The following HYDIN variants were observed in gnomAD, a reference collection of about 807,000 sequenced individuals.
HYDIN encodes axonemal central pair apparatus protein HYDIN.
HYDIN carries 132 observed loss-of-function variants against 403.9 expected under a neutral mutation model. The observed-to-expected ratio is 0.33, with a 90% CI of 0.28 to 0.38. HYDIN has a LOEUF of 0.38. Among genes scored for constraint, HYDIN ranks in the 10% least tolerant of loss-of-function variants. The pLI is 1.00. For missense variants in HYDIN, 2,827 were observed against 5,009.5 expected, an observed-to-expected ratio of 0.56 and a Z score of 13.15; for synonymous variants, 1,202 against 1,891.7, an observed-to-expected ratio of 0.64 and a Z score of 9.46.
At chr16:71,056,191 A>T (rs2081885700) in intron 18 of HYDIN, among the ~76,000 whole-genome samples, 1 of 150,174 alleles carries the variant, frequency 6.7e-6, no homozygotes, top group Non-Finnish European at 1.5e-5. Context: ...GTTCCAAAGA[A>T]GTCAGCCTGC....
intron 1 of HYDIN, among the ~76,000 whole-genome samples, chr16:71,198,605 A>C (rs755249262): frequency 3.4e-4 from 52 of 152,232 alleles, no homozygotes; most frequent in Non-Finnish European, 5.4e-4. Context: ...CCAGTGAGTC[A>C]TATTATTCCA....
rs184071745 is a variant in HYDIN, at chr16:70,804,550, C to G, written c.*3030G>C. Among the ~76,000 whole-genome samples the G allele has an allele frequency of 6.6e-6, 1 of 152,188 alleles. No homozygotes were observed. The highest frequency in any genetic ancestry group is 1.5e-5 in the Non-Finnish European group (1 of 68,028). ...CGCATTCTTTGGTGAATCAGCTTCT[C>G]GTGAGGTCCTTCAGATCAGCTGATG... On this transcript the variant is annotated 3_prime_UTR_variant, in exon 86 of 86. Coordinates refer to ENST00000393567, the MANE Select transcript of HYDIN (RefSeq NM_001270974.2).
At chr16:71,210,856 T>C (rs1464725032) in intron 1 of HYDIN, among the ~76,000 whole-genome samples, 1 of 152,138 alleles carries the variant, frequency 6.6e-6, no homozygotes, top group Non-Finnish European at 1.5e-5. Context: ...TCTTAGTTTA[T>C]TGTTAGTAGT....
At chr16:71,125,408 CGTTT>C (rs1446857192) in intron 9 of HYDIN, among the ~76,000 whole-genome samples, 2 of 152,204 alleles carry the variant, frequency 1.3e-5, no homozygotes, top group Non-Finnish European at 2.9e-5. Context: ...TTCATTCATT[CGTTT>C]ATTAGCACTG....
intron 41 of HYDIN, among the ~76,000 whole-genome samples, chr16:70,951,052 C>G (rs1033669011): frequency 2.0e-5 from 3 of 152,080 alleles, no homozygotes; most frequent in African/African-American, 7.2e-5. Flanking sequence ...CTGGGCAACA[C>G]AGCGAGATCC....
chr16:71,183,845 G>C (rs945656823), intron 3 of HYDIN, among the ~76,000 whole-genome samples: 1 of 152,014 alleles, frequency 6.6e-6, no homozygotes, highest in Non-Finnish European at 1.5e-5. Context: ...AGGAGAGAAA[G>C]TGTAAAGTAT....
intron 18 of HYDIN, among the ~76,000 whole-genome samples, chr16:71,050,103 AT>A (rs2081589013): frequency 6.8e-6 from 1 of 146,712 alleles, no homozygotes; most frequent in South Asian, 2.2e-4. Context: ...GAGAAGAAAC[AT>A]TTGAAGAGAT....
chr16:70,904,979 G>T (rs1632227), intron 50 of HYDIN, among the ~76,000 whole-genome samples: 10 of 149,838 alleles, frequency 6.7e-5, no homozygotes, highest in African/African-American at 2.0e-4. Flanking sequence ...TTGAGCACTG[G>T]GGGCACTGAG....
chr16:70,936,538 GA>G (rs1031232968), intron 44 of HYDIN, among the ~76,000 whole-genome samples: 3 of 91,198 alleles, frequency 3.3e-5, no homozygotes, highest in African/African-American at 7.8e-5. Flanking sequence ...CAGAAAATAA[GA>G]ATTTTTTTTT....
chr16:71,127,033 C>A (rs923385062), intron 9 of HYDIN, among the ~76,000 whole-genome samples: 1 of 151,984 alleles, frequency 6.6e-6, no homozygotes, highest in Non-Finnish European at 1.5e-5. Flanking sequence ...CAAACGAGAA[C>A]TGTATTTATA....
At chr16:71,181,463 A>C (rs1267001553) in intron 3 of HYDIN, among the ~76,000 whole-genome samples, 1 of 152,104 alleles carries the variant, frequency 6.6e-6, no homozygotes, top group Non-Finnish European at 1.5e-5. Context: ...TATTAAATAT[A>C]TGGTCACTTG....
At chr16:70,820,089 A>G (rs1597036921) in intron 83 of HYDIN, among the ~76,000 whole-genome samples, 1 of 136,002 alleles carries the variant, frequency 7.4e-6, no homozygotes. Context: ...CAAAGTGCTG[A>G]GTTTACAGGC....
chr16:70,864,999 T>C (rs2502671), intron 67 of HYDIN: 32,233 of 182,524 alleles, frequency 0.18, 6,781 homozygotes, highest in African/African-American at 0.55. Flanking sequence ...ATCACATTTC[T>C]TGACATTTAT....
At chr16:70,849,218 A>G (rs115373655) in intron 75 of HYDIN, among the ~76,000 whole-genome samples, 5,556 of 152,158 alleles carry the variant, frequency 0.037, 363 homozygotes, top group African/African-American at 0.13. Context: ...AAATCAAAAT[A>G]CCACAAAGCT....
At chr16:71,122,144 G>A (rs2084281988) in intron 9 of HYDIN, among the ~76,000 whole-genome samples, 1 of 152,104 alleles carries the variant, frequency 6.6e-6, no homozygotes, top group African/African-American at 2.4e-5. Context: ...CTATAGAGCG[G>A]AGGTAGTTGT....
At chr16:70,888,271 T>C (rs1316686596) in intron 58 of HYDIN, among the ~76,000 whole-genome samples, 2 of 152,282 alleles carry the variant, frequency 1.3e-5, no homozygotes, top group African/African-American at 4.8e-5. Flanking sequence ...GATGAGTGAT[T>C]TTCAACTGAA....
At chr16:71,003,153 A>G in intron 23 of HYDIN, among the ~76,000 whole-genome samples, 1 of 152,134 alleles carries the variant, frequency 6.6e-6, no homozygotes, top group Admixed American at 6.5e-5. Flanking sequence ...CTATCTGTGC[A>G]CAAATACCAC....
At chr16:71,067,452 G>GCTCCCCTCCCCCGT in intron 14 of HYDIN, 62 bp from the exon 15 acceptor site, 1 of 960,110 alleles carries the variant, frequency 1.0e-6, no homozygotes, top group Non-Finnish European at 1.6e-6. Context: ...CACGGGGGAG[G>GCTCCCCTCCCCCGT]GGAGCCTCCG....
rs554172768 is a variant in HYDIN at position 70,943,852 on chromosome 16, G to C, written c.6629C>G (p.Pro2210Arg). Residue 2210 changes from proline to arginine, a missense_variant, in exon 42 of 86, where the codon CCG becomes CGG. By Grantham distance (103) the Pro-to-Arg change is moderately radical. Transcript: ENST00000393567. ...GETGLMSCVL[P>R]DELLVQILAE... Reference sequence around the variant, plus strand: ...CAGGATCTGCACGAGAAGTTCATCCGGGAGCACACAGCTCATCAGCCCGGT... The same window carrying C: ...CAGGATCTGCACGAGAAGTTCATCCCGGAGCACACAGCTCATCAGCCCGGT... The C allele has an allele frequency of 2.5e-6, 4 of 1,613,532 alleles. No individual in the cohort carries two copies. Among genetic ancestry groups the C allele is most frequent in the Admixed American group, 1.7e-5 (1 of 60,018 alleles).
Sources: allele counts gnomAD v4.1 joint callset (sites outside exome capture counted in the v4.1 genomes callset), GRCh38; gene constraint gnomAD v4.1.1; transcripts MANE v1.5; gene names NCBI Gene and HGNC (gene_info 2026-07-23, HGNC 2026-07-21).